OCA2: variants seen among roughly 807,000 people sequenced by gnomAD.
The protein encoded by OCA2 is P protein.
OCA2 carries 77 observed loss-of-function variants against 100.2 expected under a neutral mutation model. That is an observed-to-expected ratio of 0.77 (90% CI 0.64 to 0.93). The LOEUF is 0.93. OCA2 is among the 40% of genes least tolerant of loss of function. The pLI is 0.00. For missense variants in OCA2, 1,062 were observed against 1,089.1 expected, an observed-to-expected ratio of 0.98 and a Z score of 0.35; for synonymous variants, 432 against 439.2, an observed-to-expected ratio of 0.98 and a Z score of 0.21.
intron 19 of OCA2, among the ~76,000 whole-genome samples, chr15:27,910,982 A>G (rs897329152): frequency 1.3e-5 from 2 of 151,522 alleles, no homozygotes; most frequent in African/African-American, 4.8e-5. Flanking sequence ...GAAAAAAAAG[A>G]AAAGAAAAGA....
At chr15:27,990,985 T>C (rs1383272709) in intron 9 of OCA2, among the ~76,000 whole-genome samples, 1 of 152,236 alleles carries the variant, frequency 6.6e-6, no homozygotes, top group East Asian at 1.9e-4. Flanking sequence ...GCCCATTTGT[T>C]CAGCAACATA....
chr15:28,003,779 C>T (rs982507085), intron 9 of OCA2, among the ~76,000 whole-genome samples: 4 of 152,216 alleles, frequency 2.6e-5, no homozygotes, highest in Non-Finnish European at 4.4e-5. Flanking sequence ...GCGGTCCCAC[C>T]CCTAGCCCAG....
At chr15:27,758,092 C>T (rs2030530741) in intron 23 of OCA2, among the ~76,000 whole-genome samples, 1 of 152,062 alleles carries the variant, frequency 6.6e-6, no homozygotes, top group Non-Finnish European at 1.5e-5. Flanking sequence ...CATAAGGAGA[C>T]CATAAAGATG....
chr15:27,785,181 T>C (rs546250301), intron 23 of OCA2, among the ~76,000 whole-genome samples: 10 of 152,150 alleles, frequency 6.6e-5, no homozygotes, highest in Non-Finnish European at 1.0e-4. Context: ...CTTTGGAGTA[T>C]TAGGAAAAAA....
chr15:27,943,603 G>A (rs917449851), intron 18 of OCA2, among the ~76,000 whole-genome samples: 23 of 149,780 alleles, frequency 1.5e-4, no homozygotes, highest in East Asian at 8.1e-4. Context: ...CCTTGGTCTC[G>A]GCACACGTAT....
chr15:27,976,807 T>C (rs1311463269), intron 14 of OCA2, among the ~76,000 whole-genome samples: 2 of 152,208 alleles, frequency 1.3e-5, no homozygotes, highest in African/African-American at 4.8e-5. Context: ...TTGTATAGAA[T>C]TGGTATTATA....
the OCA2 span, among the ~76,000 whole-genome samples, chr15:27,733,164 T>C: frequency 6.6e-6 from 1 of 152,234 alleles, no homozygotes; most frequent in Non-Finnish European, 1.5e-5. Flanking sequence ...GTTTGGTTCA[T>C]CTAGACTTTC....
chr15:27,807,665 T>C (rs1244867107), intron 23 of OCA2, among the ~76,000 whole-genome samples: 1 of 152,128 alleles, frequency 6.6e-6, no homozygotes, highest in African/African-American at 2.4e-5. Flanking sequence ...ATTTATTGCT[T>C]GGCCTTTTTC....
At chr15:27,821,837 A>T (rs780951260) in intron 23 of OCA2, among the ~76,000 whole-genome samples, 21 of 152,062 alleles carry the variant, frequency 1.4e-4, no homozygotes, top group Non-Finnish European at 2.9e-5. Context: ...CCCAATACAC[A>T]TGCTCGCATA....
intron 7 of OCA2, 33 bp from the exon 8 acceptor site, chr15:28,016,219 C>A (rs2042388843): frequency 1.3e-6 from 2 of 1,544,636 alleles, no homozygotes; most frequent in Non-Finnish European, 1.8e-6. Context: ...TATGGTGAGG[C>A]TTTTCACCTG....
chr15:27,891,276 C>T (rs1595585498), intron 19 of OCA2, among the ~76,000 whole-genome samples: 1 of 152,054 alleles, frequency 6.6e-6, no homozygotes, highest in African/African-American at 2.4e-5. Flanking sequence ...CTCTGAGCAA[C>T]CACTCCAAAA....
At chr15:28,096,112 G>T (rs1464563110) in intron 1 of OCA2, among the ~76,000 whole-genome samples, 1 of 152,032 alleles carries the variant, frequency 6.6e-6, no homozygotes, top group African/African-American at 2.4e-5. Flanking sequence ...GTCTCCGGGG[G>T]CGTAGCTTGT....
At chr15:27,743,041 G>A in the OCA2 span, among the ~76,000 whole-genome samples, 5 of 152,190 alleles carry the variant, frequency 3.3e-5, no homozygotes, top group Non-Finnish European at 7.3e-5. Context: ...TAGACATTCC[G>A]CAAGGCTCCA....
intron 18 of OCA2, among the ~76,000 whole-genome samples, chr15:27,936,657 C>G (rs547042361): frequency 6.6e-6 from 1 of 152,240 alleles, no homozygotes; most frequent in South Asian, 2.1e-4. Flanking sequence ...CTCAGTGGCT[C>G]TTATGGGCAC....
chr15:28,009,830 A>G (rs775812606), intron 9 of OCA2, among the ~76,000 whole-genome samples: 44 of 152,200 alleles, frequency 2.9e-4, no homozygotes, highest in Non-Finnish European at 6.0e-4. Context: ...AATCTATAAT[A>G]TCTAGAATTT....
intron 9 of OCA2, among the ~76,000 whole-genome samples, chr15:27,998,251 G>A (rs1360113528): frequency 9.1e-5 from 8 of 87,990 alleles, no homozygotes; most frequent in Middle Eastern, 7.8e-3. Flanking sequence ...TACCATCAGA[G>A]TGAACAGGCA....
At chr15:27,874,225 C>T (rs1305936511) in intron 19 of OCA2, among the ~76,000 whole-genome samples, 1 of 152,154 alleles carries the variant, frequency 6.6e-6, no homozygotes, top group Non-Finnish European at 1.5e-5. Context: ...AGGAATCTCT[C>T]TCCCCACGAA....
At chr15:27,834,899 C>G (rs1335432832) in intron 23 of OCA2, among the ~76,000 whole-genome samples, 1 of 152,182 alleles carries the variant, frequency 6.6e-6, no homozygotes, top group Non-Finnish European at 1.5e-5. Context: ...GATAAGTGAA[C>G]CACAAGCTAA....
chr15:27,994,097 T>C (rs1403132726), intron 9 of OCA2, among the ~76,000 whole-genome samples: 1 of 152,190 alleles, frequency 6.6e-6, no homozygotes, highest in African/African-American at 2.4e-5. Flanking sequence ...CCAACCCTCC[T>C]AACCCTGCCA....
Sources: gnomAD v4.1 joint callset for allele counts (sites outside exome capture counted in the v4.1 genomes callset) on GRCh38, gnomAD v4.1.1 for gene constraint, MANE v1.5 for transcripts, NCBI Gene and HGNC (gene_info 2026-07-23, HGNC 2026-07-21) for gene names.